The following GRIN2A variants were observed in gnomAD, a reference collection of about 807,000 sequenced individuals.
GRIN2A encodes glutamate ionotropic receptor NMDA type subunit 2A, also known as glutamate receptor ionotropic, NMDA 2A.
In GRIN2A, 22 loss-of-function variants were observed where a neutral mutation model predicts 113.4. The ratio of observed to expected loss-of-function variants is 0.19; its 90% CI spans 0.14 to 0.28. The LOEUF is 0.28. GRIN2A is among the 10% of genes least tolerant of loss of function. The probability of loss-of-function intolerance (pLI) is 1.00; values close to 1 mark genes in which losing one functional copy is unlikely to be tolerated. For synonymous variants in GRIN2A, 827 were observed against 738.4 expected (o/e 1.12, Z -1.94); for missense variants, 1,502 against 1,887.0 (o/e 0.80, Z 3.78).
intron 2 of GRIN2A, among the ~76,000 whole-genome samples, chr16:9,986,724 C>T (rs1485260839): frequency 1.4e-5 from 2 of 146,296 alleles, no homozygotes; most frequent in Non-Finnish European, 3.0e-5. Context: ...GAGATCACGC[C>T]ATTGCACTCC....
intron 3 of GRIN2A, among the ~76,000 whole-genome samples, chr16:9,891,761 G>C (rs1463523568): frequency 6.6e-6 from 1 of 152,156 alleles, no homozygotes; most frequent in African/African-American, 2.4e-5. Context: ...GACACAAACA[G>C]GCAAAAGAGG....
chr16:9,988,934 T>C (rs1245781113), intron 2 of GRIN2A, among the ~76,000 whole-genome samples: 4 of 152,180 alleles, frequency 2.6e-5, no homozygotes, highest in Admixed American at 6.6e-5. Flanking sequence ...CAAGCCAATA[T>C]TGAAGACTTG....
At chr16:10,128,259 G>A (rs1340826154) in intron 2 of GRIN2A, among the ~76,000 whole-genome samples, 7 of 152,278 alleles carry the variant, frequency 4.6e-5, no homozygotes, top group Admixed American at 2.0e-4. Context: ...AGCCATAGCC[G>A]TGGGTGCAAC....
At chr16:10,152,714 C>G (rs1427367129) in intron 2 of GRIN2A, among the ~76,000 whole-genome samples, 1 of 152,160 alleles carries the variant, frequency 6.6e-6, no homozygotes, top group African/African-American at 2.4e-5. Context: ...TAGCCATACC[C>G]TAAAAGATGG....
In GRIN2A at chr16:9,764,200, T is replaced by C. The variant is rs796052557; in HGVS notation, c.3344A>G (p.Asp1115Gly). ...YLKTKSSSPR[D>G]KIYTIDGEKE... ...CTCACCATCTATAGTGTAGATCTTG[T>C]CTCTAGGGGAGCTTGATTTGGTTTT... The change falls in exon 13 of 13, where the codon GAC (aspartate) becomes GGC (glycine). Residue 1115 changes from aspartate to glycine, a missense_variant. Physicochemically the swap from Asp to Gly is moderately conservative, Grantham distance 94. This residue lies in a region of GRIN2A where 832 missense variants were observed against 789.7 expected (regional missense o/e 1.05). Transcript: ENST00000330684. 3 of 1,451,596 alleles carry C rather than the reference T, an allele frequency of 2.1e-6. No individual in the cohort carries two copies. Among genetic ancestry groups the C allele is most frequent in the Non-Finnish European group, 2.7e-6 (3 of 1,095,562 alleles). 89.9% of individuals were successfully genotyped at this position (1,451,596 alleles called of 1,614,324 possible).
At chr16:9,966,057 G>A (rs1454799670) in intron 2 of GRIN2A, among the ~76,000 whole-genome samples, 2 of 152,120 alleles carry the variant, frequency 1.3e-5, no homozygotes, top group African/African-American at 4.8e-5. Context: ...CCCAAGGTTC[G>A]AGAATCCTTG....
At chr16:10,085,538 C>T (rs1355467672) in intron 2 of GRIN2A, among the ~76,000 whole-genome samples, 1 of 152,156 alleles carries the variant, frequency 6.6e-6, no homozygotes, top group African/African-American at 2.4e-5. Context: ...ACCAGAACCA[C>T]TTCATGCAAA....
intron 2 of GRIN2A, among the ~76,000 whole-genome samples, chr16:9,959,517 C>G (rs1291102632): frequency 6.6e-6 from 1 of 152,186 alleles, no homozygotes; most frequent in Non-Finnish European, 1.5e-5. Context: ...AAATATGCCA[C>G]CCAAGCTACC....
chr16:9,930,558 C>T (rs969969531), intron 3 of GRIN2A, among the ~76,000 whole-genome samples: 3 of 152,216 alleles, frequency 2.0e-5, no homozygotes, highest in African/African-American at 7.2e-5. Flanking sequence ...AGCAAAGGCC[C>T]ACAGGACAGC....
intron 2 of GRIN2A, among the ~76,000 whole-genome samples, chr16:9,946,673 CA>C (rs2045025026): frequency 6.6e-6 from 1 of 152,162 alleles, no homozygotes; most frequent in African/African-American, 2.4e-5. Flanking sequence ...GGGGGTGGAA[CA>C]TTTCCTAATC....
At chr16:10,048,036 G>A (rs766320550) in intron 2 of GRIN2A, among the ~76,000 whole-genome samples, 7 of 152,078 alleles carry the variant, frequency 4.6e-5, no homozygotes, top group Non-Finnish European at 1.0e-4. Context: ...CTGTTTCTGA[G>A]GGACCCAACT....
chr16:9,897,890 C>T (rs190359739), intron 3 of GRIN2A, among the ~76,000 whole-genome samples: 287 of 152,080 alleles, frequency 1.9e-3, no homozygotes, highest in Admixed American at 7.1e-3. Flanking sequence ...ACAGGGTGTG[C>T]GCCACAGAGC....
At chr16:9,821,060 A>AG (rs1267684705) in intron 10 of GRIN2A, among the ~76,000 whole-genome samples, 2 of 152,082 alleles carry the variant, frequency 1.3e-5, no homozygotes, top group Non-Finnish European at 1.5e-5. Flanking sequence ...GATGCTTTAG[A>AG]GGGGCCTCTG....
chr16:9,926,173 T>C (rs553373490), intron 3 of GRIN2A, among the ~76,000 whole-genome samples: 4 of 152,320 alleles, frequency 2.6e-5, no homozygotes, highest in African/African-American at 9.6e-5. Flanking sequence ...TAAGGCACTC[T>C]AGGCACAAAC....
At chr16:10,101,727 C>T (rs7205180) in intron 2 of GRIN2A, among the ~76,000 whole-genome samples, 76,435 of 151,998 alleles carry the variant, frequency 0.5, 19,417 homozygotes, top group South Asian at 0.55. Context: ...TTGGAAATTG[C>T]TATATATCTC....
intron 2 of GRIN2A, among the ~76,000 whole-genome samples, chr16:10,040,028 ATATAC>A (rs2047126676): frequency 2.0e-4 from 1 of 4,942 alleles, no homozygotes; most frequent in Admixed American, 2.4e-3. Flanking sequence ...CCACACACAA[ATATAC>A]TACACACATC....
chr16:9,915,946 T>C (rs1049619324), intron 3 of GRIN2A, among the ~76,000 whole-genome samples: 1 of 152,240 alleles, frequency 6.6e-6, no homozygotes, highest in Non-Finnish European at 1.5e-5. Context: ...GATGTGATAA[T>C]ACCTTTGGTT....
At chr16:10,136,552 A>G (rs891418733) in intron 2 of GRIN2A, among the ~76,000 whole-genome samples, 5 of 150,288 alleles carry the variant, frequency 3.3e-5, no homozygotes, top group African/African-American at 1.2e-4. Flanking sequence ...CTGATTAATA[A>G]TTAATAAACT....
intron 2 of GRIN2A, among the ~76,000 whole-genome samples, chr16:9,988,313 C>A (rs1024669123): frequency 8.7e-6 from 1 of 115,154 alleles, no homozygotes; most frequent in Non-Finnish European, 2.0e-5. Flanking sequence ...GTGTGTGACA[C>A]AGAAAGAGGT....
Sources: allele counts gnomAD v4.1 joint callset (sites outside exome capture counted in the v4.1 genomes callset), GRCh38; gene constraint gnomAD v4.1.1; regional missense constraint gnomAD v4.1.1; transcripts MANE v1.5; gene names NCBI Gene and HGNC (gene_info 2026-07-23, HGNC 2026-07-21).